Variants in PIK3R2 observed in about 807,000 individuals in gnomAD.
PIK3R2 encodes the protein phosphatidylinositol 3-kinase regulatory subunit beta.
Under a neutral mutation model 78.5 loss-of-function variants are expected in PIK3R2, and 40 were observed. The observed-to-expected ratio is 0.51, with a 90% CI of 0.40 to 0.66. The LOEUF (loss-of-function observed/expected upper bound fraction) is 0.66. PIK3R2 is among the 30% of genes least tolerant of loss of function. The pLI, the probability that PIK3R2 is intolerant of heterozygous loss-of-function variation, is 0.00. For missense variants in PIK3R2, 880 were observed against 1,026.6 expected, an observed-to-expected ratio of 0.86 and a Z score of 1.95; for synonymous variants, 473 against 457.7, an observed-to-expected ratio of 1.03 and a Z score of -0.43.
In PIK3R2 at chr19:18,155,569, C is replaced by T. The variant is rs571792767; in HGVS notation, c.-311C>T. On this transcript the variant is annotated 5_prime_UTR_variant, in exon 2 of 16. Transcript: ENST00000222254. ...GCGCCCATGGCCCTCCGTGTGAGGGCGTGAGCGGCCTGCCCCAGCCTCACC... is the reference window on the plus strand; with the variant it reads ...GCGCCCATGGCCCTCCGTGTGAGGGTGTGAGCGGCCTGCCCCAGCCTCACC... 1.0e-5 allele frequency: 5 copies of T among 484,060 alleles called. No homozygotes were observed. The highest frequency in any genetic ancestry group is 4.1e-5 in the African/African-American group (2 of 49,134). The allele number at this position is 484,060 out of a possible 1,614,324, so 30.0% of individuals were successfully genotyped here.
In PIK3R2 at chr19:18,167,429, T is replaced by A; in HGVS notation, c.1736+123T>A. 1 of 779,978 alleles carries A rather than the reference T, an allele frequency of 1.3e-6. No homozygotes were observed. Among genetic ancestry groups the A allele is most frequent in the Non-Finnish European group, 1.9e-6 (1 of 529,382 alleles). 48.3% of individuals were successfully genotyped at this position (779,978 alleles called of 1,614,324 possible). A position where few individuals can be genotyped will look rare whatever the true frequency, so the allele number is the denominator to read the frequency against. Reference sequence around the variant, plus strand: ...GGCCCTTCCTGGGCCCCGAGACCCCTTAAACTCGGTTCCTCCCGGGCCCCT... The same window carrying A: ...GGCCCTTCCTGGGCCCCGAGACCCCATAAACTCGGTTCCTCCCGGGCCCCT... On this transcript the variant is annotated intron_variant, in intron 13 of 15. Transcript: ENST00000222254. This position sits in a 1 kb window ranked among gnomAD's most constrained non-coding sequence, Gnocchi z 4.5.
chr19:18,169,356 G>T lies in PIK3R2; in HGVS notation c.*62G>T. On this transcript the variant is annotated 3_prime_UTR_variant, in exon 16 of 16. Transcript: ENST00000222254. ...GCCCGTCTGCGCCGGAGGCTGCGGC[G>T]GCGGGAGCCACGGACCAGACCAGCC... is the stretch of plus-strand genomic sequence containing the variant. 9.6e-7 allele frequency: 1 copy of T among 1,039,882 alleles called. No homozygotes were observed. Among genetic ancestry groups the T allele is most frequent in the South Asian group, 3.1e-5 (1 of 32,086 alleles). The allele number at this position is 1,039,882 out of a possible 1,614,324, so 64.4% of individuals were successfully genotyped here.
chr19:18,153,644 G>A (rs1170549121), intron 1 of PIK3R2, among the ~76,000 whole-genome samples: 2 of 152,186 alleles, frequency 1.3e-5, no homozygotes, highest in Admixed American at 6.5e-5. Flanking sequence ...CGGGAGGGCC[G>A]GGGGTCGAAC....
chr19:18,166,354 C>A (rs2147956715), intron 12 of PIK3R2, 52 bp downstream of exon 12: 1 of 1,507,032 alleles, frequency 6.6e-7, no homozygotes, highest in Non-Finnish European at 9.2e-7. Context: ...TGGTGCAGTA[C>A]AAGCCAGGGA....
intron 15 of PIK3R2, 23 bp from the exon 16 acceptor site, chr19:18,169,064 C>A: frequency 6.2e-7 from 1 of 1,600,428 alleles, no homozygotes; most frequent in South Asian, 1.1e-5. Context: ...CCTTCCGACT[C>A]CCCCTCTCGT....
rs570946070 is a variant in PIK3R2, at chr19:18,164,888, G to A, written c.1417-1272G>A. 4.6e-4 allele frequency among the ~76,000 whole-genome samples: 57 copies of A among 123,876 alleles called. No homozygotes were observed. In the South Asian group the frequency reaches 8.7e-3, roughly 19 times the overall value. The allele number at this position is 123,876 out of a possible 152,430, so 81.3% of individuals were successfully genotyped here. A position where few individuals can be genotyped will look rare whatever the true frequency, so the allele number is the denominator to read the frequency against. On this transcript the variant is annotated intron_variant, in intron 11 of 15. Coordinates refer to ENST00000222254, the MANE Select transcript of PIK3R2 (RefSeq NM_005027.4). Reference sequence around the variant, plus strand: ...TGGCCTCAAGTGATCTGGCTGCCTCGGCCTCCCAAAGTTAAAAAAAAAAAA... The same window carrying A: ...TGGCCTCAAGTGATCTGGCTGCCTCAGCCTCCCAAAGTTAAAAAAAAAAAA...
chr19:18,155,867 C>A lies in PIK3R2; in HGVS notation c.-13C>A. Reference sequence around the variant, plus strand: ...CCACCTAACCATCCAGACCCCACCCCACTCACGCGGCCATGGCGGGCCCTG... The same window carrying A: ...CCACCTAACCATCCAGACCCCACCCAACTCACGCGGCCATGGCGGGCCCTG... On this transcript the variant is annotated 5_prime_UTR_variant, in exon 2 of 16. Transcript: ENST00000222254. 6.5e-7 allele frequency: 1 copy of A among 1,534,760 alleles called. No homozygotes were observed. The highest frequency in any genetic ancestry group is 8.8e-7 in the Non-Finnish European group (1 of 1,139,168).
chr19:18,168,400 C>T lies in PIK3R2; in HGVS notation c.1737-75C>T. On this transcript the variant is annotated intron_variant, in intron 13 of 15. Transcript: ENST00000222254. This position sits in a 1 kb window ranked among gnomAD's most constrained non-coding sequence, Gnocchi z 4.1. ...CCCTCTCTCCTCAGCCAGACCCTGC[C>T]TCCCACCGGACAGGCCCACTGTGGG... 1.4e-6 allele frequency: 1 copy of T among 740,104 alleles called. No homozygotes were observed. The highest frequency in any genetic ancestry group is 2.5e-5 in the East Asian group (1 of 39,790). 45.8% of individuals were successfully genotyped at this position (740,104 alleles called of 1,614,324 possible). A position where few individuals can be genotyped will look rare whatever the true frequency, so the allele number is the denominator to read the frequency against.
chr19:18,159,389 CCAG>C (rs2043717268), intron 2 of PIK3R2, among the ~76,000 whole-genome samples: 2 of 151,854 alleles, frequency 1.3e-5, no homozygotes, highest in Non-Finnish European at 2.9e-5. Flanking sequence ...TCTGGTGCCT[CCAG>C]GCATTCATTC....
In PIK3R2 at chr19:18,155,482, T is replaced by C. The variant is rs2043667217; in HGVS notation, c.-398T>C. 2.4e-6 allele frequency: 1 copy of C among 411,320 alleles called. No individual in the cohort carries two copies. Among genetic ancestry groups the C allele is most frequent in the Non-Finnish European group, 4.3e-6 (1 of 234,048 alleles). 25.5% of individuals were successfully genotyped at this position (411,320 alleles called of 1,614,324 possible). On this transcript the variant is annotated 5_prime_UTR_variant, in exon 2 of 16. The change abolishes an upstream ATG in the 5' untranslated region. Coordinates refer to ENST00000222254, the MANE Select transcript of PIK3R2 (RefSeq NM_005027.4). Reference sequence around the variant, plus strand: ...GTCGGCGTCCTCAGCTGGCCGAGCATGGTGGCAGCCTGCACCCTTGGCTCC... The same window carrying C: ...GTCGGCGTCCTCAGCTGGCCGAGCACGGTGGCAGCCTGCACCCTTGGCTCC...
chr19:18,162,239 C>T lies in PIK3R2; in HGVS notation c.939C>T (p.Ser313=), dbSNP rs757736373. The change falls in exon 8 of 16, where the codon TCC becomes TCT. Residue 313 remains serine, a synonymous_variant. Coordinates refer to ENST00000222254, the MANE Select transcript of PIK3R2 (RefSeq NM_005027.4). ...PPKPPKAKPA[S]TVLANGGSPP... ...AACCCCCCAAGGCAAAGCCGGCCTC[C>T]ACAGTCCTGGCCAATGGAGGGAGCC... 2 of 1,607,910 alleles carry T rather than the reference C, an allele frequency of 1.2e-6. No homozygotes were observed.
In PIK3R2 at chr19:18,156,162, C is replaced by T. The variant is rs1213314927; in HGVS notation, c.283C>T (p.Pro95Ser). The T allele has an allele frequency of 4.8e-6, 7 of 1,451,776 alleles. No individual in the cohort carries two copies. Among genetic ancestry groups the T allele is most frequent in the Non-Finnish European group, 6.3e-6 (7 of 1,107,072 alleles). The allele number at this position is 1,451,776 out of a possible 1,614,324, so 89.9% of individuals were successfully genotyped here. The change falls in exon 2 of 16, where the codon CCA becomes TCA. Residue 95 changes from proline to serine, a missense_variant. Pro to Ser is a moderately conservative substitution (Grantham distance 74, BLOSUM62 -1). Transcript: ENST00000222254. This position sits in a 1 kb window ranked among gnomAD's most constrained non-coding sequence, Gnocchi z 4.2. Reference protein sequence around the residue: ...RPGPRPRGPRPLPARPRDGAP... With the variant: ...RPGPRPRGPRSLPARPRDGAP... ...CGGCCCTCGCCCACGGGGCCCCCGC[C>T]CACTGCCCGCCAGGCCCCGTGATGG...
chr19:18,155,501 T>C lies in PIK3R2; in HGVS notation c.-379T>C, dbSNP rs1394244307. On this transcript the variant is annotated 5_prime_UTR_variant, in exon 2 of 16. Transcript: ENST00000222254. ...CGAGCATGGTGGCAGCCTGCACCCT[T>C]GGCTCCCTTGTCTGGTGCAGCCAGC... The C allele has an allele frequency of 9.4e-6, 4 of 424,420 alleles. No individual in the cohort carries two copies. The highest frequency in any genetic ancestry group is 1.7e-5 in the Non-Finnish European group (4 of 241,682). 26.3% of individuals were successfully genotyped at this position (424,420 alleles called of 1,614,324 possible).
At chr19:18,165,660 C>T (rs899820897) in intron 11 of PIK3R2, among the ~76,000 whole-genome samples, 1 of 152,204 alleles carries the variant, frequency 6.6e-6, no homozygotes, top group African/African-American at 2.4e-5. Context: ...CGCCACCACC[C>T]CTGGCCTCTG....
rs1236908355 is a variant in PIK3R2, at chr19:18,162,442, G to T, written c.1045G>T (p.Asp349Tyr). 6.2e-7 allele frequency: 1 copy of T among 1,613,576 alleles called. No homozygotes were observed. Among genetic ancestry groups the T allele is most frequent in the Non-Finnish European group, 8.5e-7 (1 of 1,179,994 alleles). ...GAACGAGAAACTCCGGGACACTCCC[G>T]ATGGCACCTTCCTAGTCCGAGATGC... ...EVNEKLRDTP[D>Y]GTFLVRDASS... Residue 349 changes from aspartate (D) to tyrosine (Y), a missense_variant, in exon 9 of 16, where the codon GAT (aspartate) becomes TAT (tyrosine). This residue lies in a region of PIK3R2 where 156 missense variants were observed against 241.0 expected (regional missense o/e 0.65). Transcript: ENST00000222254.
intron 1 of PIK3R2, among the ~76,000 whole-genome samples, chr19:18,154,686 A>G (rs752064634): frequency 1.3e-5 from 2 of 151,984 alleles, no homozygotes; most frequent in Non-Finnish European, 2.9e-5. Context: ...CGGCAGATCT[A>G]GGTGTAAGTC....
At position 18,162,262 on chromosome 19, in the gene PIK3R2, G is replaced by T; in HGVS notation, c.962G>T (p.Ser321Ile). 6.2e-7 allele frequency: 1 copy of T among 1,611,560 alleles called. No individual in the cohort carries two copies. Among genetic ancestry groups the T allele is most frequent in the Non-Finnish European group, 8.5e-7 (1 of 1,178,064 alleles). ...PASTVLANGG[S>I]PPSLQDAEWY... ...TCCACAGTCCTGGCCAATGGAGGGA[G>T]CCCACCCTCCCTGCAGGATGCTGAG... The change falls in exon 8 of 16, where the codon AGC becomes ATC. Residue 321 changes from serine to isoleucine, a missense_variant. Physicochemically the swap from Ser to Ile is moderately radical, Grantham distance 142. Transcript: ENST00000222254.
intron 11 of PIK3R2, among the ~76,000 whole-genome samples, chr19:18,163,995 C>T (rs546085534): frequency 2.7e-5 from 4 of 150,422 alleles, no homozygotes; most frequent in African/African-American, 9.8e-5. Context: ...GGCATGGTGG[C>T]GGACGCCTGT....
At position 18,160,730 on chromosome 19, in the gene PIK3R2, G is replaced by C. The variant is rs138214123; in HGVS notation, c.415+167G>C. 25 of 864,294 alleles carry C rather than the reference G, an allele frequency of 2.9e-5. No homozygotes were observed. In the Middle Eastern group the frequency reaches 2.9e-3, roughly 101 times the overall value. The allele number at this position is 864,294 out of a possible 1,614,324, so 53.5% of individuals were successfully genotyped here. ...GGGCACAGAGTGACTCCTAAGGGAA[G>C]ATGGGAAGGTGAACATGACCAGGCC... On this transcript the variant is annotated intron_variant, in intron 3 of 15. Coordinates refer to ENST00000222254, the MANE Select transcript of PIK3R2 (RefSeq NM_005027.4).
Sources: allele counts gnomAD v4.1 joint callset (sites outside exome capture counted in the v4.1 genomes callset), GRCh38; gene constraint gnomAD v4.1.1; regional missense constraint gnomAD v4.1.1; non-coding constraint Gnocchi (gnomAD v3.1); transcripts MANE v1.5; gene names NCBI Gene and HGNC (gene_info 2026-07-23, HGNC 2026-07-21).